ABI3BP: variants seen among roughly 807,000 people sequenced by gnomAD.
ABI3BP encodes the protein target of Nesh-SH3.
In ABI3BP, 216 loss-of-function variants were observed where a neutral mutation model predicts 268.6. That is an observed-to-expected ratio of 0.80 (90% CI 0.72 to 0.90). The LOEUF (loss-of-function observed/expected upper bound fraction) is 0.90. Ranked by LOEUF, ABI3BP falls within the 40% of genes least tolerant of loss-of-function variation. The probability of loss-of-function intolerance (pLI) is 0.00; values close to 1 mark genes in which losing one functional copy is unlikely to be tolerated. For synonymous variants in ABI3BP, 730 were observed against 730.0 expected, an observed-to-expected ratio of 1.00 and a Z score of 0.00; for missense variants, 2,090 against 2,182.4, an observed-to-expected ratio of 0.96 and a Z score of 0.84.
At chr3:100,778,756 A>T (rs1456867844) in intron 58 of ABI3BP, 2 of 191,750 alleles carry the variant, frequency 1.0e-5, no homozygotes, top group East Asian at 1.6e-4. Context: ...ACAATTATTT[A>T]TATTGCATTA....
intron 7 of ABI3BP, 86 bp downstream of exon 7, chr3:100,876,426 C>T (rs955904394): frequency 2.8e-5 from 34 of 1,209,326 alleles, no homozygotes; most frequent in Non-Finnish European, 3.6e-5. Flanking sequence ...ATTAAAAAAT[C>T]GAGAAAATAT....
At chr3:100,876,860 C>A (rs992721909) in intron 6 of ABI3BP, among the ~76,000 whole-genome samples, 3 of 151,332 alleles carry the variant, frequency 2.0e-5, no homozygotes, top group Admixed American at 6.6e-5. Flanking sequence ...TGGTGGTGGG[C>A]GCCTGTAATC....
chr3:100,822,590 TG>T lies in ABI3BP; in HGVS notation c.2885del (p.Pro962GlnfsTer18), dbSNP rs1475405141. 6.5e-6 allele frequency: 10 copies of T among 1,536,240 alleles called. No individual in the cohort carries two copies. In the East Asian group the frequency reaches 2.4e-4, roughly 38 times the overall value. On this transcript the variant is annotated frameshift_variant and splice_region_variant, in exon 38 of 68. Transcript: ENST00000471714. LOFTEE classifies it high-confidence loss of function. ...TPRPEAPESK[P>X]VPTAELKPVT... ...TTAAACCAGGAACACATAGTTTACC[TG>T]GTTTGGATTCAGGTGCTTCAGGACG...
At chr3:100,985,822 C>T (rs977627832) in intron 1 of ABI3BP, among the ~76,000 whole-genome samples, 1 of 152,190 alleles carries the variant, frequency 6.6e-6, no homozygotes. Flanking sequence ...TTGGCATCTG[C>T]CACAAAATGC....
intron 1 of ABI3BP, among the ~76,000 whole-genome samples, chr3:100,930,152 A>G (rs2153659715): frequency 6.6e-6 from 1 of 152,166 alleles, no homozygotes; most frequent in East Asian, 1.9e-4. Context: ...ATAGAAAATA[A>G]TACCACATGA....
chr3:100,978,888 C>T (rs1224394747), intron 1 of ABI3BP, among the ~76,000 whole-genome samples: 14 of 152,138 alleles, frequency 9.2e-5, no homozygotes, highest in Non-Finnish European at 1.9e-4. Flanking sequence ...ACCAGAACAA[C>T]TGAATCAGAA....
At chr3:100,904,624 T>C (rs541058103) in intron 2 of ABI3BP, among the ~76,000 whole-genome samples, 1 of 152,274 alleles carries the variant, frequency 6.6e-6, no homozygotes. Flanking sequence ...GAACTTGCTT[T>C]AGATGCAGAA....
At chr3:100,783,579 A>C (rs2096932724) in intron 57 of ABI3BP, among the ~76,000 whole-genome samples, 1 of 152,226 alleles carries the variant, frequency 6.6e-6, no homozygotes, top group Non-Finnish European at 1.5e-5. Flanking sequence ...CAATGGCAGA[A>C]TTAAATATCT....
chr3:100,888,552 C>T (rs1253777606), intron 4 of ABI3BP, among the ~76,000 whole-genome samples: 1 of 152,066 alleles, frequency 6.6e-6, no homozygotes, highest in Admixed American at 6.6e-5. Context: ...CTTGATCTCA[C>T]ATAACCTGCT....
At chr3:100,836,267 A>G (rs1224771318) in intron 27 of ABI3BP, among the ~76,000 whole-genome samples, 2 of 152,198 alleles carry the variant, frequency 1.3e-5, no homozygotes, top group Non-Finnish European at 2.9e-5. Context: ...CTTTTTGTCT[A>G]GATATAAAGG....
intron 1 of ABI3BP, among the ~76,000 whole-genome samples, chr3:100,939,890 G>T (rs1399248555): frequency 2.6e-5 from 4 of 152,030 alleles, no homozygotes; most frequent in Non-Finnish European, 4.4e-5. Flanking sequence ...ACCCAGGGGG[G>T]CCGTCTATAG....
rs566107112 is a variant in ABI3BP, at chr3:100,775,366, T to C, written c.4334-31A>G. On this transcript the variant is annotated intron_variant, in intron 59 of 67. Transcript: ENST00000471714. Reference sequence around the variant, plus strand: ...AAGTAGAGCCAAAGTAGTCAGGCTTTATAGGAACACTGCCAAGTTTCCTAT... The same window carrying C: ...AAGTAGAGCCAAAGTAGTCAGGCTTCATAGGAACACTGCCAAGTTTCCTAT... The C allele has an allele frequency of 1.4e-5, 22 of 1,580,610 alleles. No individual in the cohort carries two copies. In the South Asian group the frequency reaches 2.5e-4, roughly 18 times the overall value.
chr3:100,841,912 A>AC (rs994185759), intron 21 of ABI3BP, 86 bp downstream of exon 21: 24 of 1,203,704 alleles, frequency 2.0e-5, no homozygotes, highest in East Asian at 1.6e-4. Flanking sequence ...AAAAAAAAAA[A>AC]AAAACAAAAC....
Position 100,750,203 on chromosome 3 carries a change from A to T in ABI3BP, c.*292T>A, listed in dbSNP as rs1336894844. 8.0e-6 allele frequency: 2 copies of T among 248,604 alleles called. No homozygotes were observed. Among genetic ancestry groups the T allele is most frequent in the Admixed American group, 5.3e-5 (1 of 18,706 alleles). 15.4% of individuals were successfully genotyped at this position (248,604 alleles called of 1,614,324 possible). ...TAAAAGTATCTCAAAACATCATTAC[A>T]ACAGTGTGATAAATAATATACAAAT... On this transcript the variant is annotated 3_prime_UTR_variant, in exon 68 of 68. Coordinates refer to ENST00000471714, the MANE Select transcript of ABI3BP (RefSeq NM_001375547.2).
chr3:100,816,368 T>C, intron 43 of ABI3BP: 1 of 483,344 alleles, frequency 2.1e-6, no homozygotes. Context: ...TCATAACAAA[T>C]GGATCACATG....
chr3:100,765,911 C>G lies in ABI3BP; in HGVS notation c.4780G>C (p.Gly1594Arg). Residue 1594 changes from glycine to arginine, a missense_variant, in exon 63 of 68, where the codon GGG becomes CGG. Transcript: ENST00000471714. ...GTCATTTGAATGGACTTGTTCTTCC[C>G]ACTGAATGACCCATTTTCTCTGGAT... ...VISRENGSFS[G>R]KNKSIQMTNQ... 6.2e-7 allele frequency: 1 copy of G among 1,612,802 alleles called. No homozygotes were observed. Among genetic ancestry groups the G allele is most frequent in the Non-Finnish European group, 8.5e-7 (1 of 1,179,314 alleles).
intron 4 of ABI3BP, among the ~76,000 whole-genome samples, chr3:100,893,855 G>C (rs1420544122): frequency 6.6e-6 from 1 of 152,190 alleles, no homozygotes; most frequent in African/African-American, 2.4e-5. Context: ...CAAAGGCTTA[G>C]ACGACATGGG....
chr3:100,862,471 A>T, intron 13 of ABI3BP, 86 bp from the exon 14 acceptor site: 1 of 873,144 alleles, frequency 1.1e-6, no homozygotes. Flanking sequence ...TGGTATGGTT[A>T]AGTGGCTACC....
chr3:100,889,763 T>G (rs2043655068), intron 4 of ABI3BP, among the ~76,000 whole-genome samples: 1 of 152,136 alleles, frequency 6.6e-6, no homozygotes, highest in Non-Finnish European at 1.5e-5. Context: ...GCCACCTGAA[T>G]AGTCTCAATA....
Sources: gnomAD v4.1 joint callset for allele counts (sites outside exome capture counted in the v4.1 genomes callset) on GRCh38, gnomAD v4.1.1 for gene constraint, MANE v1.5 for transcripts, NCBI Gene and HGNC (gene_info 2026-07-23, HGNC 2026-07-21) for gene names.